Variants in TLE1 observed in about 807,000 individuals in gnomAD.
TLE1 encodes TLE family member 1, transcriptional corepressor.
TLE1 carries 21 observed loss-of-function variants against 89.8 expected under a neutral mutation model. The observed-to-expected ratio is 0.23, with a 90% CI of 0.17 to 0.34. The LOEUF (loss-of-function observed/expected upper bound fraction) is 0.34, where lower values mean the gene tolerates loss of function less well. Among genes scored for constraint, TLE1 ranks in the 10% least tolerant of loss-of-function variants. The probability of loss-of-function intolerance (pLI) is 1.00; values close to 1 mark genes in which losing one functional copy is unlikely to be tolerated. For missense variants in TLE1, 795 were observed against 1,031.2 expected (o/e 0.77, Z 3.14); for synonymous variants, 447 against 407.6 (o/e 1.10, Z -1.16).
chr9:81,649,715 G>A (rs1013428993), intron 6 of TLE1, among the ~76,000 whole-genome samples: 3 of 152,102 alleles, frequency 2.0e-5, no homozygotes, highest in African/African-American at 7.2e-5. Context: ...TACTCTGCGC[G>A]CAGCTGCTGC....
chr9:81,619,704 A>G, intron 9 of TLE1, among the ~76,000 whole-genome samples: 1 of 152,226 alleles, frequency 6.6e-6, no homozygotes. Context: ...GGCAACTCCA[A>G]GTCATACATC....
At chr9:81,645,377 A>AT (rs1337340999) in intron 6 of TLE1, among the ~76,000 whole-genome samples, 230 of 151,716 alleles carry the variant, frequency 1.5e-3, no homozygotes, top group African/African-American at 2.5e-3. Context: ...AAAAAAAAAA[A>AT]AATAATAGTA....
chr9:81,657,524 G>A (rs141139443), intron 4 of TLE1, among the ~76,000 whole-genome samples: 1 of 152,270 alleles, frequency 6.6e-6, no homozygotes, highest in East Asian at 1.9e-4. Context: ...CATCAAAGTA[G>A]ACTTGAACAT....
Position 81,587,922 on chromosome 9 carries a change from G to GTGTGTGTGTCATCCCGCC in TLE1, c.1830-95_1830-94insGGCGGGATGACACACACA, listed in dbSNP as rs1554716653. On this transcript the variant is annotated intron_variant, in intron 16 of 19. Transcript: ENST00000376499. ...AGTTTTGGACCGTGTGTGTGTGTGT[G>GTGTGTGTGTCATCCCGCC]TGTGTGTGTGTGTGTGTGTGTGTGA... 36 of 1,014,802 alleles carry GTGTGTGTGTCATCCCGCC rather than the reference G, an allele frequency of 3.5e-5. No homozygotes were observed. The Middle Eastern group carries it at 1.8e-3, about 52-fold the overall frequency. 62.9% of individuals were successfully genotyped at this position (1,014,802 alleles called of 1,614,324 possible). A position where few individuals can be genotyped will look rare whatever the true frequency, so the allele number is the denominator to read the frequency against.
At chr9:81,611,727 A>G (rs1026645361) in intron 13 of TLE1, 42 bp downstream of exon 13, 8 of 1,439,300 alleles carry the variant, frequency 5.6e-6, no homozygotes, top group African/African-American at 1.5e-5. Flanking sequence ...TGGAGCATGC[A>G]GCGTTCCTAC....
At chr9:81,615,474 T>C (rs933752615) in intron 11 of TLE1, among the ~76,000 whole-genome samples, 1 of 135,824 alleles carries the variant, frequency 7.4e-6, no homozygotes, top group African/African-American at 2.8e-5. Context: ...CTGAGGCGGG[T>C]GGATCAAAGA....
chr9:81,647,777 TC>T (rs1323676556), intron 6 of TLE1, among the ~76,000 whole-genome samples: 1 of 152,098 alleles, frequency 6.6e-6, no homozygotes, highest in Non-Finnish European at 1.5e-5. Context: ...CTAAGTATCC[TC>T]CCCAAGTCCA....
Position 81,654,002 on chromosome 9 carries a change from G to A in TLE1, c.269C>T (p.Ala90Val), listed in dbSNP as rs1217423158. 1.2e-6 allele frequency: 2 copies of A among 1,613,968 alleles called. No homozygotes were observed. Among genetic ancestry groups the A allele is most frequent in the Admixed American group, 1.7e-5 (1 of 60,020 alleles). The stretch of plus-strand genomic sequence containing the variant: ...CTGAGACAGAAATGGGATGACTTGT[G>A]CACAAATCGTATTCAATCTCTTGGC... ...EIAKRLNTIC[A>V]QVIPFLSQEH... The change falls in exon 5 of 20, where the codon GCA becomes GTA. Residue 90 changes from alanine to valine, a missense_variant. Physicochemically the swap from Ala to Val is moderately conservative, Grantham distance 64. This residue lies in a region of TLE1 where 66 missense variants were observed against 118.7 expected (regional missense o/e 0.56). Transcript: ENST00000376499.
At chr9:81,635,295 C>T (rs12343077) in intron 6 of TLE1, among the ~76,000 whole-genome samples, 2,944 of 152,228 alleles carry the variant, frequency 0.019, 98 homozygotes, top group African/African-American at 0.067. Flanking sequence ...ATGGGTAGGA[C>T]CGTGGATGAG....
chr9:81,676,316 G>A (rs997634246), intron 4 of TLE1, among the ~76,000 whole-genome samples: 2 of 152,090 alleles, frequency 1.3e-5, no homozygotes, highest in East Asian at 1.9e-4. Flanking sequence ...CAACCTAGTC[G>A]GAGCAAGGAA....
intron 8 of TLE1, among the ~76,000 whole-genome samples, chr9:81,630,063 T>C (rs1336154865): frequency 1.3e-5 from 2 of 152,134 alleles, no homozygotes; most frequent in Non-Finnish European, 2.9e-5. Flanking sequence ...CCACATTCCC[T>C]GCGGATCCCA....
chr9:81,644,059 C>T (rs1223418586), intron 6 of TLE1, among the ~76,000 whole-genome samples: 1 of 152,174 alleles, frequency 6.6e-6, no homozygotes, highest in Non-Finnish European at 1.5e-5. Flanking sequence ...GCCTCACACC[C>T]ATTAGGATGC....
chr9:81,686,657 A>G (rs983284993), intron 2 of TLE1, among the ~76,000 whole-genome samples: 9 of 152,242 alleles, frequency 5.9e-5, no homozygotes, highest in African/African-American at 2.2e-4. Context: ...GAAAGAAACT[A>G]ACCTTTCTGG....
At position 81,611,892 on chromosome 9, in the gene TLE1, G is replaced by C; in HGVS notation, c.1131C>G (p.His377Gln). 1.3e-6 allele frequency: 2 copies of C among 1,538,864 alleles called. No homozygotes were observed. Among genetic ancestry groups the C allele is most frequent in the South Asian group, 1.2e-5 (1 of 81,830 alleles). Residue 377 changes from histidine (H) to glutamine (Q), a missense_variant, in exon 13 of 20, where the codon CAC (histidine) becomes CAG (glutamine). Around this residue, in one of 4 missense-constraint regions of TLE1, gnomAD observed 468 missense variants for 509.1 expected, o/e 0.92. Coordinates refer to ENST00000376499, the MANE Select transcript of TLE1 (RefSeq NM_005077.5). Reference sequence around the variant, plus strand: ...TGGTCAGCTCGCCGTTCATGCCAGCGTGGGGGACCATCCCAAAAGGAGCAG... The same window carrying C: ...TGGTCAGCTCGCCGTTCATGCCAGCCTGGGGGACCATCCCAAAAGGAGCAG... ...PYPAPFGMVP[H>Q]AGMNGELTSP...
At chr9:81,675,795 G>A (rs1181297836) in intron 4 of TLE1, among the ~76,000 whole-genome samples, 1 of 144,504 alleles carries the variant, frequency 6.9e-6, no homozygotes, top group Non-Finnish European at 1.5e-5. Context: ...CCAACCCCCT[G>A]GTTCAAGTGA....
intron 6 of TLE1, among the ~76,000 whole-genome samples, chr9:81,640,054 A>C (rs1273548912): frequency 3.3e-5 from 5 of 151,958 alleles, no homozygotes; most frequent in Non-Finnish European, 5.9e-5. Context: ...GGGAGGGAAA[A>C]GAATGCTACT....
At position 81,688,284 on chromosome 9, in the gene TLE1, C is replaced by T. The variant is rs758558917; in HGVS notation, c.-44G>A. On this transcript the variant is annotated 5_prime_UTR_variant, in exon 1 of 20. Coordinates refer to ENST00000376499, the MANE Select transcript of TLE1 (RefSeq NM_005077.5). ...GGCTCTGTTCCCCGGCAACTCAATT[C>T]TCCGGTCAATTTCCAACTTTAATCC... 11 of 1,531,166 alleles carry T rather than the reference C, an allele frequency of 7.2e-6. No homozygotes were observed. Among genetic ancestry groups the T allele is most frequent in the Non-Finnish European group, 9.6e-6 (11 of 1,144,284 alleles). The allele number at this position is 1,531,166 out of a possible 1,614,324, so 94.8% of individuals were successfully genotyped here.
intron 4 of TLE1, among the ~76,000 whole-genome samples, chr9:81,655,837 A>G (rs1830087705): frequency 1.4e-5 from 2 of 145,590 alleles, no homozygotes; most frequent in South Asian, 2.2e-4. Context: ...AAGGCGACAG[A>G]GCAAGACCCT....
intron 4 of TLE1, among the ~76,000 whole-genome samples, chr9:81,668,518 CA>C (rs986608727): frequency 6.6e-6 from 1 of 151,224 alleles, no homozygotes. Flanking sequence ...ACTTCTTTAC[CA>C]AAAAAAACCC....
Sources: gnomAD v4.1 joint callset for allele counts (sites outside exome capture counted in the v4.1 genomes callset) on GRCh38, gnomAD v4.1.1 for gene constraint, gnomAD v4.1.1 regional missense constraint, MANE v1.5 for transcripts, NCBI Gene and HGNC (gene_info 2026-07-23, HGNC 2026-07-21) for gene names.